The following RPH3AL variants were observed in gnomAD, a reference collection of about 807,000 sequenced individuals.
The protein encoded by RPH3AL is rab effector Noc2.
A neutral mutation model predicts 43.1 loss-of-function variants in RPH3AL; 38 were observed. The ratio of observed to expected loss-of-function variants is 0.88; its 90% CI spans 0.68 to 1.15. The LOEUF (loss-of-function observed/expected upper bound fraction) is 1.15, where lower values mean the gene tolerates loss of function less well. Among genes scored for constraint, RPH3AL ranks in the 50% most tolerant of loss-of-function variants. The pLI, the probability that RPH3AL is intolerant of heterozygous loss-of-function variation, is 0.00. For missense variants in RPH3AL, 462 were observed against 423.2 expected, an observed-to-expected ratio of 1.09 and a Z score of -0.81; for synonymous variants, 189 against 176.3, an observed-to-expected ratio of 1.07 and a Z score of -0.57.
intron 6 of RPH3AL, among the ~76,000 whole-genome samples, chr17:265,592 A>T (rs2042301856): frequency 6.6e-6 from 1 of 152,144 alleles, no homozygotes; most frequent in Admixed American, 6.5e-5. Context: ...TGCTCTGTTT[A>T]TAATTTCTCC....
intron 5 of RPH3AL, among the ~76,000 whole-genome samples, chr17:315,612 C>T (rs71355223): frequency 9.3e-3 from 1,127 of 121,292 alleles, no homozygotes; most frequent in African/African-American, 0.032. Flanking sequence ...CCACTGAACT[C>T]TAGTCCCTGT....
chr17:348,079 C>G (rs1300683968), intron 1 of RPH3AL, among the ~76,000 whole-genome samples: 2 of 117,738 alleles, frequency 1.7e-5, no homozygotes, highest in African/African-American at 3.2e-5. Context: ...CAACCCTTCT[C>G]TGCAAGGAGC....
At chr17:233,914 TACC>T (rs2041293701) in intron 7 of RPH3AL, among the ~76,000 whole-genome samples, 1 of 109,518 alleles carries the variant, frequency 9.1e-6, no homozygotes, top group Non-Finnish European at 1.9e-5. Context: ...AGCGGCTACT[TACC>T]CTGACCAACT....
chr17:214,388 CGATA>C (rs1453508978), intron 9 of RPH3AL, among the ~76,000 whole-genome samples: 1 of 152,128 alleles, frequency 6.6e-6, no homozygotes, highest in Non-Finnish European at 1.5e-5. Context: ...GACACCGTAC[CGATA>C]ATAGAACTGG....
At chr17:350,474 G>A (rs1444765164) in intron 1 of RPH3AL, among the ~76,000 whole-genome samples, 1 of 152,126 alleles carries the variant, frequency 6.6e-6, no homozygotes, top group African/African-American at 2.4e-5. Context: ...AGCTGGGCAT[G>A]GTGGTGCATG....
chr17:243,267 C>T (rs1167582475), intron 7 of RPH3AL, among the ~76,000 whole-genome samples: 1 of 141,452 alleles, frequency 7.1e-6, no homozygotes, highest in African/African-American at 2.7e-5. Context: ...ATTGATTACC[C>T]TTCCTCTATT....
At chr17:345,638 GCACGCACACCC>G (rs1295763627) in intron 1 of RPH3AL, among the ~76,000 whole-genome samples, 1 of 130,426 alleles carries the variant, frequency 7.7e-6, no homozygotes. Context: ...CTCCCCATCT[GCACGCACACCC>G]TGCTGGGGCA....
chr17:215,650 TCACCGG>T lies in RPH3AL; in HGVS notation c.874_876+3del. 1 of 1,274,024 alleles carries T rather than the reference TCACCGG, an allele frequency of 7.8e-7. No homozygotes were observed. The highest frequency in any genetic ancestry group is 9.9e-7 in the Non-Finnish European group (1 of 1,005,160). 78.9% of individuals were successfully genotyped at this position (1,274,024 alleles called of 1,614,324 possible). ...AGGGGAGAAGGCAGCAGTTGGGTAC[TCACCGG>T]GGCCCTTCGGGTCAGCCCGGGGCGG... is the stretch of plus-strand genomic sequence containing the variant. On this transcript the variant is annotated splice_donor_variant and splice_donor_region_variant and coding_sequence_variant and intron_variant, in exon 9 of 10. Transcript: ENST00000331302. LOFTEE classifies it high-confidence loss of function. This position sits in a 1 kb window ranked among gnomAD's most constrained non-coding sequence, Gnocchi z 4.1.
chr17:223,905 A>G (rs36016398), intron 7 of RPH3AL, among the ~76,000 whole-genome samples: 14,565 of 151,950 alleles, frequency 0.096, 920 homozygotes, highest in Non-Finnish European at 0.14. Flanking sequence ...CGTGCCCCCA[A>G]CAGAGCGGCC....
chr17:301,679 T>C (rs1181897124), intron 5 of RPH3AL, among the ~76,000 whole-genome samples: 1 of 152,078 alleles, frequency 6.6e-6, no homozygotes. Context: ...CTTCCAGTGA[T>C]CCTCCTACCT....
At chr17:244,612 C>G (rs1330374582) in intron 7 of RPH3AL, among the ~76,000 whole-genome samples, 1 of 152,142 alleles carries the variant, frequency 6.6e-6, no homozygotes, top group Admixed American at 6.5e-5. Flanking sequence ...GGAGCAGCGT[C>G]TGGTGAGAGC....
At chr17:261,702 A>G (rs2042198007) in intron 6 of RPH3AL, 1 of 152,232 alleles carries the variant, frequency 6.6e-6, no homozygotes, top group African/African-American at 2.4e-5. Flanking sequence ...GGCAGAACAC[A>G]GATGTTTTTA....
chr17:286,031 G>A (rs373443057), intron 5 of RPH3AL, among the ~76,000 whole-genome samples: 5 of 152,310 alleles, frequency 3.3e-5, no homozygotes, highest in East Asian at 1.9e-4. Context: ...CACTTGCTCC[G>A]ATGTCCCCCC....
intron 4 of RPH3AL, 92 bp from the exon 5 acceptor site, chr17:319,641 G>A: frequency 6.7e-7 from 1 of 1,482,056 alleles, no homozygotes; most frequent in Non-Finnish European, 9.2e-7. Context: ...CACATGTGCT[G>A]TCCCCTCACC....
At chr17:280,687 G>A (rs1846490055) in intron 6 of RPH3AL, among the ~76,000 whole-genome samples, 1 of 152,186 alleles carries the variant, frequency 6.6e-6, no homozygotes. Context: ...TGATCTCAAG[G>A]AAAGACTTAG....
At chr17:316,519 G>C (rs76454319) in intron 5 of RPH3AL, among the ~76,000 whole-genome samples, 24 of 45,358 alleles carry the variant, frequency 5.3e-4, no homozygotes, top group Admixed American at 6.6e-4. Flanking sequence ...TCCACCTCCA[G>C]TGACCTGTAG....
intron 6 of RPH3AL, among the ~76,000 whole-genome samples, chr17:263,521 C>A (rs1386440791): frequency 6.6e-6 from 1 of 152,180 alleles, no homozygotes; most frequent in East Asian, 1.9e-4. Flanking sequence ...TTAGCTCTTC[C>A]GAACAATTTG....
intron 6 of RPH3AL, among the ~76,000 whole-genome samples, chr17:256,188 T>C (rs373627072): frequency 0.14 from 817 of 5,716 alleles, 36 homozygotes; most frequent in Middle Eastern, 0.25. Flanking sequence ...TGAGGGGAGC[T>C]GCACGGCGTC....
At chr17:265,773 T>A (rs1396743789) in intron 6 of RPH3AL, among the ~76,000 whole-genome samples, 3 of 152,262 alleles carry the variant, frequency 2.0e-5, no homozygotes, top group Non-Finnish European at 4.4e-5. Context: ...AGTTCTAAGA[T>A]TGAGCTAAGG....
Sources: gnomAD v4.1 joint callset for allele counts (sites outside exome capture counted in the v4.1 genomes callset) on GRCh38, gnomAD v4.1.1 for gene constraint, Gnocchi (gnomAD v3.1) non-coding constraint, MANE v1.5 for transcripts, NCBI Gene and HGNC (gene_info 2026-07-23, HGNC 2026-07-21) for gene names.